BRF1: variants seen among roughly 807,000 people sequenced by gnomAD.
The protein encoded by BRF1 is transcription factor IIIB 90 kDa subunit.
In BRF1, 59 loss-of-function variants were observed where a neutral mutation model predicts 81.7. That is an observed-to-expected ratio of 0.72 (90% CI 0.59 to 0.90). The LOEUF (loss-of-function observed/expected upper bound fraction) is 0.90, where lower values mean the gene tolerates loss of function less well. Ranked by LOEUF, BRF1 falls within the 40% of genes least tolerant of loss-of-function variation. The pLI, the probability that BRF1 is intolerant of heterozygous loss-of-function variation, is 0.00. For synonymous variants in BRF1, 491 were observed against 395.6 expected (o/e 1.24, Z -2.86); for missense variants, 1,050 against 936.3 (o/e 1.12, Z -1.58).
chr14:105,241,294 C>G lies in BRF1; in HGVS notation c.665G>C (p.Gly222Ala). 1 of 1,612,494 alleles carries G rather than the reference C, an allele frequency of 6.2e-7. No individual in the cohort carries two copies. The highest frequency in any genetic ancestry group is 8.5e-7 in the Non-Finnish European group (1 of 1,179,904). ...TCCGCAGAGGCCCGAGGGGCGCCGG[C>G]CTGTGTGCATCCAGTCCCGCTTCAT... ...QRMKRDWMHTGRRPSGLCGAA... is the reference protein window; with the variant it reads ...QRMKRDWMHTARRPSGLCGAA... The change falls in exon 6 of 18, where the codon GGC (glycine) becomes GCC (alanine). Residue 222 changes from glycine (G) to alanine (A), a missense_variant. Physicochemically the swap from Gly to Ala is moderately conservative, Grantham distance 60 (BLOSUM62 0). Transcript: ENST00000547530.
At chr14:105,270,991 C>T (rs898003127) in intron 3 of BRF1, among the ~76,000 whole-genome samples, 2 of 151,922 alleles carry the variant, frequency 1.3e-5, no homozygotes, top group African/African-American at 4.8e-5. Flanking sequence ...CAGACCAAGA[C>T]AGAAAAGAGC....
chr14:105,266,488 TC>T (rs1485865116), intron 3 of BRF1, among the ~76,000 whole-genome samples: 1 of 152,064 alleles, frequency 6.6e-6, no homozygotes, highest in Non-Finnish European at 1.5e-5. Flanking sequence ...CATGAAAAAA[TC>T]ATACCAATAA....
Position 105,241,411 on chromosome 14 carries a change from G to C in BRF1, c.548C>G (p.Pro183Arg), listed in dbSNP as rs1206689613. ...ELCINAPAID[P>R]CLYIPRFAHL... ...CGCAAAGCGTGGAATATACAGGCAC[G>C]GGTCTGCGGCAGACACAGCACCTCA... Residue 183 changes from proline (P) to arginine (R), a missense_variant, in exon 6 of 18, where the codon CCG becomes CGG. Pro to Arg is a moderately radical substitution (Grantham distance 103). This residue lies in a region of BRF1 where 1,043 missense variants were observed against 915.4 expected (regional missense o/e 1.14). Coordinates refer to ENST00000547530, the MANE Select transcript of BRF1 (RefSeq NM_001519.4). 4 of 1,611,404 alleles carry C rather than the reference G, an allele frequency of 2.5e-6. No homozygotes were observed. The highest frequency in any genetic ancestry group is 3.4e-6 in the Non-Finnish European group (4 of 1,179,888).
In BRF1 at chr14:105,252,489, T is replaced by C; in HGVS notation, c.544+18A>G. ...CAGCAGCCTGCCGGACACCCCAGCA[T>C]CTCACCCAGATGCCTACCTATGGCC... On this transcript the variant is annotated intron_variant, in intron 5 of 17. Transcript: ENST00000547530. The C allele has an allele frequency of 6.2e-7, 1 of 1,612,716 alleles. No homozygotes were observed. The highest frequency in any genetic ancestry group is 8.5e-7 in the Non-Finnish European group (1 of 1,179,528).
intron 1 of BRF1, among the ~76,000 whole-genome samples, chr14:105,311,501 C>T (rs186534479): frequency 1.3e-3 from 201 of 152,264 alleles, no homozygotes; most frequent in African/African-American, 4.7e-3. Flanking sequence ...GGGATCTGTG[C>T]GCTTTGGCCT....
At chr14:105,255,511 C>G (rs759986198) in intron 4 of BRF1, among the ~76,000 whole-genome samples, 1 of 152,190 alleles carries the variant, frequency 6.6e-6, no homozygotes, top group South Asian at 2.1e-4. Context: ...CCTGTGGGCA[C>G]CTGGATCTGG....
intron 1 of BRF1, among the ~76,000 whole-genome samples, chr14:105,314,164 C>G (rs1489281673): frequency 6.6e-6 from 1 of 152,154 alleles, no homozygotes; most frequent in Non-Finnish European, 1.5e-5. Flanking sequence ...TCCCTGCGTC[C>G]CGGGGAACCC....
At chr14:105,291,088 G>C (rs942336465) in intron 1 of BRF1, among the ~76,000 whole-genome samples, 1 of 152,244 alleles carries the variant, frequency 6.6e-6, no homozygotes, top group East Asian at 1.9e-4. Flanking sequence ...GCTAGTTCCC[G>C]TTAGCTGGAA....
intron 2 of BRF1, among the ~76,000 whole-genome samples, chr14:105,283,611 T>C (rs1336434419): frequency 2.0e-5 from 3 of 152,226 alleles, no homozygotes. Context: ...TTTAAAAGGC[T>C]TTTGAAAAGG....
At chr14:105,259,021 A>C (rs985339158) in intron 3 of BRF1, among the ~76,000 whole-genome samples, 9 of 152,160 alleles carry the variant, frequency 5.9e-5, no homozygotes, top group African/African-American at 2.2e-4. Context: ...AGCACAGCTC[A>C]CCCATGCTGC....
At position 105,209,653 on chromosome 14, in the gene BRF1, G is replaced by C. The variant is rs1889858294; in HGVS notation, c.*898C>G. 1.5e-6 allele frequency: 1 copy of C among 683,106 alleles called. No homozygotes were observed. The highest frequency in any genetic ancestry group is 2.7e-6 in the Non-Finnish European group (1 of 373,842). The allele number at this position is 683,106 out of a possible 1,614,324, so 42.3% of individuals were successfully genotyped here. A position where few individuals can be genotyped will look rare whatever the true frequency, so the allele number is the denominator to read the frequency against. On this transcript the variant is annotated 3_prime_UTR_variant, in exon 18 of 18. Coordinates refer to ENST00000547530, the MANE Select transcript of BRF1 (RefSeq NM_001519.4). ...CCTCCGTCTGCCCTCCCTCCTCGAT[G>C]GGGGGCCTGATCCAGCTCTGACAGG...
chr14:105,222,072 C>T, intron 10 of BRF1, 158 bp from the exon 11 acceptor site: 1 of 848,184 alleles, frequency 1.2e-6, no homozygotes, highest in African/African-American at 1.7e-5. Flanking sequence ...TCAGCCCACA[C>T]CTCGCACTGC....
chr14:105,247,923 G>A (rs2055234009), intron 5 of BRF1: 6 of 985,378 alleles, frequency 6.1e-6, no homozygotes, highest in African/African-American at 3.5e-5. Context: ...GGAGGCTAGA[G>A]GCCCCACAAG....
At chr14:105,217,901 G>C in intron 14 of BRF1, 101 bp from the exon 15 acceptor site, 1 of 1,529,248 alleles carries the variant, frequency 6.5e-7, no homozygotes, top group Non-Finnish European at 8.8e-7. Flanking sequence ...GGTGAGGCCT[G>C]GCTCAGGCCC....
chr14:105,223,538 A>C (rs2094568477), intron 10 of BRF1, among the ~76,000 whole-genome samples: 1 of 152,244 alleles, frequency 6.6e-6, no homozygotes, highest in Non-Finnish European at 1.5e-5. Context: ...CTGTGAAAAA[A>C]GCCGAAGGGA....
intron 5 of BRF1, among the ~76,000 whole-genome samples, chr14:105,244,222 C>T (rs1184526582): frequency 6.6e-6 from 1 of 151,456 alleles, no homozygotes; most frequent in Non-Finnish European, 1.5e-5. Flanking sequence ...GCAGGAGGAT[C>T]GCTTGAGCCC....
chr14:105,261,303 C>A (rs1239176029), intron 3 of BRF1, among the ~76,000 whole-genome samples: 1 of 152,246 alleles, frequency 6.6e-6, no homozygotes, highest in African/African-American at 2.4e-5. Context: ...CAGAGGCCCA[C>A]GCGAGGCTCC....
chr14:105,226,123 G>C lies in BRF1; in HGVS notation c.994C>G (p.Leu332Val). ...TTGGCCTTTGGCCGGCTGTTTTCTA[G>C]TTCAATCTCAATTGCATCCTGGTAA... Reference protein sequence around the residue: ...SSYQDAIEIELENSRPKAKGG... With the variant: ...SSYQDAIEIEVENSRPKAKGG... The change falls in exon 10 of 18, where the codon CTA becomes GTA. Residue 332 changes from leucine to valine, a missense_variant. Leu to Val is a conservative substitution (Grantham distance 32). Transcript: ENST00000547530. 1 of 1,613,940 alleles carries C rather than the reference G, an allele frequency of 6.2e-7. No homozygotes were observed. The highest frequency in any genetic ancestry group is 8.5e-7 in the Non-Finnish European group (1 of 1,180,034).
chr14:105,214,499 G>GCGTGGCC (rs1566795219), intron 15 of BRF1, among the ~76,000 whole-genome samples: 5 of 47,882 alleles, frequency 1.0e-4, no homozygotes, highest in African/African-American at 2.3e-4. Context: ...CCACACCCCT[G>GCGTGGCC]CATGGCTCAG....
Sources: gnomAD v4.1 joint callset for allele counts (sites outside exome capture counted in the v4.1 genomes callset) on GRCh38, gnomAD v4.1.1 for gene constraint, gnomAD v4.1.1 regional missense constraint, MANE v1.5 for transcripts, NCBI Gene and HGNC (gene_info 2026-07-23, HGNC 2026-07-21) for gene names.